Variants in ETS1 observed in about 807,000 individuals in gnomAD.
ETS1 encodes the protein ETS proto-oncogene 1, transcription factor.
In ETS1, 15 loss-of-function variants were observed where a neutral mutation model predicts 58.6. That is an observed-to-expected ratio of 0.26 (90% CI 0.17 to 0.39). The LOEUF (loss-of-function observed/expected upper bound fraction) is 0.39, where lower values mean the gene tolerates loss of function less well. ETS1 is among the 10% of genes least tolerant of loss of function. The pLI is 1.00. For missense variants in ETS1, 417 were observed against 610.5 expected (o/e 0.68, Z 3.34); for synonymous variants, 214 against 218.2 (o/e 0.98, Z 0.17).
At chr11:128,574,647 G>T (rs1864706379) in intron 1 of ETS1, among the ~76,000 whole-genome samples, 1 of 152,138 alleles carries the variant, frequency 6.6e-6, no homozygotes, top group South Asian at 2.1e-4. Context: ...TAAGATGCAT[G>T]TCACGTGGTT....
At chr11:128,558,427 C>A (rs1864349376) in intron 2 of ETS1, among the ~76,000 whole-genome samples, 1 of 152,104 alleles carries the variant, frequency 6.6e-6, no homozygotes, top group Non-Finnish European at 1.5e-5. Context: ...GGTGAATCAC[C>A]TGAGGTCAGG....
In ETS1 at chr11:128,463,012, C is replaced by T. The variant is rs1455603382; in HGVS notation, c.1243-436G>A. On this transcript the variant is annotated intron_variant, in intron 9 of 9. Coordinates refer to ENST00000392668, the MANE Select transcript of ETS1 (RefSeq NM_001143820.2). The surrounding 1 kb of genome is among the most constrained non-coding windows in gnomAD (Gnocchi z 4.1). ...CAACAGGAAGTGTTTTTTTTCCATA[C>T]CAGGGCACAAATATTTTCTCATGTC... Among the ~76,000 whole-genome samples, 2 of 152,096 alleles carry T rather than the reference C, an allele frequency of 1.3e-5. No individual in the cohort carries two copies. Among genetic ancestry groups the T allele is most frequent in the Non-Finnish European group, 2.9e-5 (2 of 68,024 alleles).
At chr11:128,480,588 G>A in intron 7 of ETS1, 137 bp from the exon 8 acceptor site, 1 of 643,420 alleles carries the variant, frequency 1.6e-6, no homozygotes. Flanking sequence ...AGAGGCGAGT[G>A]GGAACAGAAG....
chr11:128,569,513 C>T (rs1369948855), intron 2 of ETS1, among the ~76,000 whole-genome samples: 1 of 151,410 alleles, frequency 6.6e-6, no homozygotes, highest in Admixed American at 6.6e-5. Context: ...TGAAGCTATG[C>T]TTACCCCTCC....
rs1861898727 is a variant in ETS1, at chr11:128,461,273, T to C, written c.*1088A>G. 1 of 152,788 alleles carries C rather than the reference T, an allele frequency of 6.5e-6. No individual in the cohort carries two copies. Among genetic ancestry groups the C allele is most frequent in the Non-Finnish European group, 1.5e-5 (1 of 68,034 alleles). 9.5% of individuals were successfully genotyped at this position (152,788 alleles called of 1,614,324 possible). A position where few individuals can be genotyped will look rare whatever the true frequency, so the allele number is the denominator to read the frequency against. On this transcript the variant is annotated 3_prime_UTR_variant, in exon 10 of 10. Transcript: ENST00000392668. ...CTTAGGACCTGAGGGGTAATGCCCA[T>C]GCATACAGCTTTTATTCCAAGTCAT... is the stretch of plus-strand genomic sequence containing the variant.
chr11:128,539,921 G>GA (rs1048759673), intron 3 of ETS1, among the ~76,000 whole-genome samples: 6 of 152,172 alleles, frequency 3.9e-5, no homozygotes, highest in Admixed American at 3.3e-4. Flanking sequence ...AATTTATAAA[G>GA]ATAGAAATTA....
chr11:128,523,921 A>C (rs575407375), intron 3 of ETS1, among the ~76,000 whole-genome samples: 1 of 152,182 alleles, frequency 6.6e-6, no homozygotes, highest in East Asian at 1.9e-4. Context: ...TGAACCACAA[A>C]AAAAAAAAGG....
chr11:128,573,986 G>C (rs1486920406), intron 1 of ETS1, among the ~76,000 whole-genome samples: 1 of 152,200 alleles, frequency 6.6e-6, no homozygotes, highest in African/African-American at 2.4e-5. Context: ...TAACTTCACT[G>C]CTTTCCAGTT....
chr11:128,487,557 G>A lies in ETS1; in HGVS notation c.536-1411C>T, dbSNP rs147570857. Among the ~76,000 whole-genome samples, 386 of 152,196 alleles carry A rather than the reference G, an allele frequency of 2.5e-3. 1 individual carries two copies. The highest frequency in any genetic ancestry group is 7.2e-3 in the African/African-American group (301 of 41,518). On this transcript the variant is annotated intron_variant, in intron 5 of 9. Coordinates refer to ENST00000392668, the MANE Select transcript of ETS1 (RefSeq NM_001143820.2). ...GGATCAAGACCATCCTGGCCAACAC[G>A]GTGAAGCCCTGACTCTACTAAAAAT... is the stretch of plus-strand genomic sequence containing the variant.
At chr11:128,519,215 T>C (rs186442793) in intron 3 of ETS1, among the ~76,000 whole-genome samples, 48 of 152,362 alleles carry the variant, frequency 3.2e-4, no homozygotes, top group African/African-American at 1.2e-3. Context: ...GTCAAACTCC[T>C]GTGAAGTCTC....
At chr11:128,481,510 T>C (rs1044980427) in intron 7 of ETS1, among the ~76,000 whole-genome samples, 2 of 152,166 alleles carry the variant, frequency 1.3e-5, no homozygotes, top group Non-Finnish European at 2.9e-5. Flanking sequence ...ATATGCAACT[T>C]TCAGATACTT....
intron 3 of ETS1, among the ~76,000 whole-genome samples, chr11:128,515,154 C>T (rs760586199): frequency 2.6e-5 from 4 of 151,796 alleles, no homozygotes; most frequent in African/African-American, 7.3e-5. Context: ...TTCTTATCTT[C>T]GATAAACATT....
intron 2 of ETS1, among the ~76,000 whole-genome samples, chr11:128,571,441 G>A (rs1389259187): frequency 2.2e-5 from 3 of 133,936 alleles, no homozygotes; most frequent in Admixed American, 8.7e-5. Flanking sequence ...GCGAGACTCC[G>A]TCCAGCCTGG....
rs371160193 is a variant in ETS1, at chr11:128,485,100, G to C, written c.614-29C>G. ...GAAACAAAGGGTTTGCAAGTAAAGA[G>C]AGGAGAGATTTGTACCTAAAATAAG... On this transcript the variant is annotated intron_variant, in intron 6 of 9. Coordinates refer to ENST00000392668, the MANE Select transcript of ETS1 (RefSeq NM_001143820.2). 10 of 1,597,996 alleles carry C rather than the reference G, an allele frequency of 6.3e-6. No individual in the cohort carries two copies. The East Asian group carries it at 9.0e-5, about 14-fold the overall frequency.
chr11:128,514,897 G>A (rs996741923), intron 3 of ETS1, among the ~76,000 whole-genome samples: 1 of 152,050 alleles, frequency 6.6e-6, no homozygotes, highest in African/African-American at 2.4e-5. Context: ...ACTTAAATTC[G>A]TTCATCTTTA....
At chr11:128,489,636 C>A (rs1290018014) in intron 4 of ETS1, 146 bp from the exon 5 acceptor site, 1 of 649,408 alleles carries the variant, frequency 1.5e-6, no homozygotes, top group Non-Finnish European at 2.7e-6. Context: ...GCCTGCACAT[C>A]ATTGAGTGCC....
At chr11:128,521,898 G>A in intron 3 of ETS1, 1 of 1,588,588 alleles carries the variant, frequency 6.3e-7, no homozygotes, top group Non-Finnish European at 8.6e-7. Flanking sequence ...GGGGGCCTCG[G>A]CCGTCGCCAC....
chr11:128,464,127 C>T lies in ETS1; in HGVS notation c.1124-500G>A, dbSNP rs1368869049. 6.6e-6 allele frequency among the ~76,000 whole-genome samples: 1 copy of T among 151,972 alleles called. No homozygotes were observed. Among genetic ancestry groups the T allele is most frequent in the East Asian group, 1.9e-4 (1 of 5,188 alleles). On this transcript the variant is annotated intron_variant, in intron 8 of 9. Coordinates refer to ENST00000392668, the MANE Select transcript of ETS1 (RefSeq NM_001143820.2). The surrounding 1 kb of genome is among the most constrained non-coding windows in gnomAD (Gnocchi z 4.1). ...ATTTGTGAGTAAGAAGGATCACTATCCTCCGGCCCTCTTACAAGGAAATAG... is the reference window on the plus strand; with the variant it reads ...ATTTGTGAGTAAGAAGGATCACTATTCTCCGGCCCTCTTACAAGGAAATAG...
chr11:128,489,242 A>C (rs757654831), intron 5 of ETS1, 48 bp downstream of exon 5: 1 of 1,561,658 alleles, frequency 6.4e-7, no homozygotes, highest in Non-Finnish European at 8.8e-7. Context: ...ACCTACTCTC[A>C]CAGCAACCCC....
Sources: allele counts gnomAD v4.1 joint callset (sites outside exome capture counted in the v4.1 genomes callset), GRCh38; gene constraint gnomAD v4.1.1; non-coding constraint Gnocchi (gnomAD v3.1); transcripts MANE v1.5; gene names NCBI Gene and HGNC (gene_info 2026-07-23, HGNC 2026-07-21).